MKX: variants seen among roughly 807,000 people sequenced by gnomAD.
MKX encodes the protein mohawk homeobox.
MKX carries 13 observed loss-of-function variants against 36.0 expected under a neutral mutation model. The ratio of observed to expected loss-of-function variants is 0.36; its 90% CI spans 0.24 to 0.57. The LOEUF (loss-of-function observed/expected upper bound fraction) is 0.57. Among genes scored for constraint, MKX ranks in the 20% least tolerant of loss-of-function variants. MKX has a pLI of 0.79. For synonymous variants in MKX, 176 were observed against 178.3 expected (o/e 0.99, Z 0.10); for missense variants, 458 against 456.4 (o/e 1.00, Z -0.03).
rs911714031 is a variant in MKX, at chr10:27,742,510, G to C, written c.188+718C>G. Among the ~76,000 whole-genome samples, 1 of 152,066 alleles carries C rather than the reference G, an allele frequency of 6.6e-6. No individual in the cohort carries two copies. The highest frequency in any genetic ancestry group is 1.5e-5 in the Non-Finnish European group (1 of 67,970). ...TCGTTCAGGTGGAGGCGGCTAGGACGGCCGCCCCTCCCCGGCGGGGCGCCC... is the reference window on the plus strand; with the variant it reads ...TCGTTCAGGTGGAGGCGGCTAGGACCGCCGCCCCTCCCCGGCGGGGCGCCC... On this transcript the variant is annotated intron_variant, in intron 2 of 6. Coordinates refer to ENST00000419761, the MANE Select transcript of MKX (RefSeq NM_173576.3). The surrounding 1 kb of genome is among the most constrained non-coding windows in gnomAD (Gnocchi z 4.2).
chr10:27,694,013 C>A (rs1206051447), intron 5 of MKX, among the ~76,000 whole-genome samples: 1 of 152,140 alleles, frequency 6.6e-6, no homozygotes, highest in African/African-American at 2.4e-5. Context: ...GCTTGGCTCT[C>A]ATCTTCTTTT....
At chr10:27,699,628 A>C (rs376234963) in intron 5 of MKX, among the ~76,000 whole-genome samples, 21 of 152,294 alleles carry the variant, frequency 1.4e-4, no homozygotes, top group African/African-American at 5.1e-4. Flanking sequence ...AAACAACAAC[A>C]AAAAAGGCTT....
At chr10:27,738,799 T>G (rs1834832642) in intron 3 of MKX, among the ~76,000 whole-genome samples, 1 of 152,098 alleles carries the variant, frequency 6.6e-6, no homozygotes, top group African/African-American at 2.4e-5. Flanking sequence ...CTGTCCATGT[T>G]TGAACACACT....
intron 5 of MKX, among the ~76,000 whole-genome samples, chr10:27,726,796 T>C (rs1834500374): frequency 6.6e-6 from 1 of 152,036 alleles, no homozygotes; most frequent in Admixed American, 6.6e-5. Flanking sequence ...CCCTTCCTCT[T>C]GTTCTGTTCA....
intron 5 of MKX, among the ~76,000 whole-genome samples, chr10:27,720,384 T>A (rs1834351261): frequency 1.3e-5 from 2 of 151,386 alleles, no homozygotes; most frequent in East Asian, 3.8e-4. Flanking sequence ...AATTATTAAA[T>A]AATGTTAATA....
chr10:27,741,513 T>C lies in MKX; in HGVS notation c.189-9A>G. 1 of 1,579,814 alleles carries C rather than the reference T, an allele frequency of 6.3e-7. No homozygotes were observed. Among genetic ancestry groups the C allele is most frequent in the Non-Finnish European group, 8.6e-7 (1 of 1,166,258 alleles). ...CGCCATTCTGCCGGGCGCTGGGACA[T>C]GGGGAGAGGAGGCGGCCCTGGTGAG... is the stretch of plus-strand genomic sequence containing the variant. On this transcript the variant is annotated splice_polypyrimidine_tract_variant and intron_variant, in intron 2 of 6. Coordinates refer to ENST00000419761, the MANE Select transcript of MKX (RefSeq NM_173576.3). The surrounding 1 kb of genome is among the most constrained non-coding windows in gnomAD (Gnocchi z 5.1).
intron 5 of MKX, among the ~76,000 whole-genome samples, chr10:27,716,436 C>CAAAAA (rs56913373): frequency 7.8e-6 from 1 of 127,670 alleles, no homozygotes; most frequent in African/African-American, 3.0e-5. Context: ...AAAAAAAAAG[C>CAAAAA]AAAAAAAAAA....
intron 5 of MKX, among the ~76,000 whole-genome samples, chr10:27,696,186 T>C (rs577724057): frequency 1.5e-4 from 23 of 152,274 alleles, no homozygotes; most frequent in African/African-American, 5.5e-4. Flanking sequence ...TGAATCCCAG[T>C]TGTGCTGGGA....
chr10:27,695,095 G>A (rs2132516428), intron 5 of MKX, among the ~76,000 whole-genome samples: 1 of 152,168 alleles, frequency 6.6e-6, no homozygotes. Context: ...GCCTCAAAAT[G>A]TGTCCCAGCA....
chr10:27,738,088 G>A (rs1189787583), intron 3 of MKX, among the ~76,000 whole-genome samples: 1 of 151,948 alleles, frequency 6.6e-6, no homozygotes, highest in East Asian at 1.9e-4. Flanking sequence ...CACATTAGGT[G>A]ATTTTCCAGA....
At chr10:27,685,703 G>A (rs992469058) in intron 5 of MKX, among the ~76,000 whole-genome samples, 9 of 152,098 alleles carry the variant, frequency 5.9e-5, no homozygotes, top group African/African-American at 1.7e-4. Flanking sequence ...ACCCGCCTCC[G>A]CCTCTCAAAG....
intron 3 of MKX, among the ~76,000 whole-genome samples, chr10:27,737,498 G>A (rs950511172): frequency 2.0e-5 from 3 of 152,004 alleles, no homozygotes; most frequent in Non-Finnish European, 4.4e-5. Context: ...CAACTTTTCT[G>A]AACTTTGAAT....
rs564081977 is a variant in MKX at position 27,673,866 on chromosome 10, C to A, written c.*1363G>T. 1 of 152,128 alleles carries A rather than the reference C, an allele frequency of 6.6e-6. No homozygotes were observed. Among genetic ancestry groups the A allele is most frequent in the African/African-American group, 2.4e-5 (1 of 41,414 alleles). The allele number at this position is 152,128 out of a possible 1,614,324, so 9.4% of individuals were successfully genotyped here. On this transcript the variant is annotated 3_prime_UTR_variant, in exon 7 of 7. Transcript: ENST00000419761. Reference sequence around the variant, plus strand: ...ACCCTCATTCACACTGACAAAAATGCTTTCCAGTTTAAAAAAAAAATAGAT... The same window carrying A: ...ACCCTCATTCACACTGACAAAAATGATTTCCAGTTTAAAAAAAAAATAGAT...
At chr10:27,735,476 A>G in intron 3 of MKX, 102 bp from the exon 4 acceptor site, 1 of 860,232 alleles carries the variant, frequency 1.2e-6, no homozygotes, top group Non-Finnish European at 1.8e-6. Flanking sequence ...ACCTCTGATC[A>G]TTAAATATTC....
At chr10:27,689,264 T>C (rs552806947) in intron 5 of MKX, among the ~76,000 whole-genome samples, 2 of 152,274 alleles carry the variant, frequency 1.3e-5, no homozygotes, top group South Asian at 4.1e-4. Flanking sequence ...CAAACGGCAG[T>C]TTTTCTACTC....
intron 5 of MKX, among the ~76,000 whole-genome samples, chr10:27,682,004 CAG>C (rs1452085006): frequency 1.3e-5 from 2 of 151,908 alleles, no homozygotes; most frequent in Non-Finnish European, 2.9e-5. Flanking sequence ...TTGCTATTAT[CAG>C]AGATGACAGC....
At chr10:27,676,236 T>A (rs1171502349) in intron 5 of MKX, among the ~76,000 whole-genome samples, 2 of 142,670 alleles carry the variant, frequency 1.4e-5, no homozygotes, top group Non-Finnish European at 3.0e-5. Flanking sequence ...ATTGTGCCAC[T>A]GCACTCCAGC....
At chr10:27,715,462 C>A (rs1836947209) in intron 5 of MKX, among the ~76,000 whole-genome samples, 1 of 152,176 alleles carries the variant, frequency 6.6e-6, no homozygotes, top group African/African-American at 2.4e-5. Flanking sequence ...TGCTACGTGG[C>A]TGATCCTAAT....
At chr10:27,734,015 A>G (rs1413594121) in intron 5 of MKX, among the ~76,000 whole-genome samples, 7 of 152,170 alleles carry the variant, frequency 4.6e-5, no homozygotes, top group Non-Finnish European at 1.0e-4. Flanking sequence ...AGAAAAGATA[A>G]AATACAAAGT....
Sources: gnomAD v4.1 joint callset for allele counts (sites outside exome capture counted in the v4.1 genomes callset) on GRCh38, gnomAD v4.1.1 for gene constraint, Gnocchi (gnomAD v3.1) non-coding constraint, MANE v1.5 for transcripts, NCBI Gene and HGNC (gene_info 2026-07-23, HGNC 2026-07-21) for gene names.